Variants in TBX20 observed in about 807,000 individuals in gnomAD.
TBX20 encodes T-box transcription factor TBX20.
TBX20 carries 8 observed loss-of-function variants against 42.9 expected under a neutral mutation model. The ratio of observed to expected loss-of-function variants is 0.19; its 90% CI spans 0.11 to 0.34. The LOEUF (loss-of-function observed/expected upper bound fraction) is 0.34. TBX20 is among the 10% of genes least tolerant of loss of function. The probability of loss-of-function intolerance (pLI) is 1.00; values close to 1 mark genes in which losing one functional copy is unlikely to be tolerated. For missense variants in TBX20, 411 were observed against 566.0 expected (o/e 0.73, Z 2.78); for synonymous variants, 198 against 222.8 (o/e 0.89, Z 0.99).
intron 6 of TBX20, among the ~76,000 whole-genome samples, chr7:35,225,132 T>TA (rs1789747939): frequency 2.0e-5 from 3 of 152,188 alleles, no homozygotes; most frequent in Admixed American, 2.0e-4. Context: ...TTAAGTTCAG[T>TA]AAAATGGCAC....
In TBX20 at chr7:35,249,634, G is replaced by A. The variant is rs904876272; in HGVS notation, c.380+317C>T. On this transcript the variant is annotated intron_variant, in intron 2 of 7. Coordinates refer to ENST00000408931, the MANE Select transcript of TBX20 (RefSeq NM_001077653.2). This position sits in a 1 kb window ranked among gnomAD's most constrained non-coding sequence, Gnocchi z 4.3. ...CAAATTCCTCCTCCTTCCAGATCCCGACCCTCCACCCGCCAAACCTTCTCC... is the reference window on the plus strand; with the variant it reads ...CAAATTCCTCCTCCTTCCAGATCCCAACCCTCCACCCGCCAAACCTTCTCC... Among the ~76,000 whole-genome samples, 3 of 152,240 alleles carry A rather than the reference G, an allele frequency of 2.0e-5. No homozygotes were observed. Among genetic ancestry groups the A allele is most frequent in the South Asian group, 4.2e-4 (2 of 4,812 alleles).
chr7:35,208,201 C>T (rs995877440), intron 6 of TBX20, among the ~76,000 whole-genome samples: 4 of 152,044 alleles, frequency 2.6e-5, no homozygotes, highest in African/African-American at 9.7e-5. Context: ...TGCTTTTTAA[C>T]TTCAATTTCT....
chr7:35,238,576 T>C (rs1790011841), intron 5 of TBX20, among the ~76,000 whole-genome samples: 1 of 152,206 alleles, frequency 6.6e-6, no homozygotes, highest in Non-Finnish European at 1.5e-5. Flanking sequence ...AATCAATTAG[T>C]ATAAATGAAT....
chr7:35,204,465 C>T lies in TBX20; in HGVS notation c.1003+5G>A. On this transcript the variant is annotated splice_donor_5th_base_variant and intron_variant, in intron 7 of 7. Transcript: ENST00000408931. The stretch of plus-strand genomic sequence containing the variant: ...GCAATTCCATGGCCTTGGAAACTAC[C>T]TTACCTCGATTTGGGGTTGTCTGAC... 6.2e-7 allele frequency: 1 copy of T among 1,607,706 alleles called. No individual in the cohort carries two copies. The highest frequency in any genetic ancestry group is 8.5e-7 in the Non-Finnish European group (1 of 1,174,434).
intron 4 of TBX20, among the ~76,000 whole-genome samples, chr7:35,242,266 G>C (rs374370015): frequency 6.6e-6 from 1 of 152,132 alleles, no homozygotes; most frequent in Non-Finnish European, 1.5e-5. Context: ...CTAAAGTTAC[G>C]GGGTTTTAAC....
intron 6 of TBX20, among the ~76,000 whole-genome samples, chr7:35,216,599 G>A (rs1789595479): frequency 6.6e-6 from 1 of 152,216 alleles, no homozygotes; most frequent in Non-Finnish European, 1.5e-5. Context: ...ATTGAGCATT[G>A]AGATTATGTG....
At chr7:35,208,217 T>C (rs1379423942) in intron 6 of TBX20, among the ~76,000 whole-genome samples, 1 of 152,228 alleles carries the variant, frequency 6.6e-6, no homozygotes, top group Non-Finnish European at 1.5e-5. Context: ...TTTCTGATAT[T>C]CATTTATAAT....
Position 35,248,770 on chromosome 7 carries a change from T to A in TBX20, c.452A>T (p.Asp151Val). ...DPEAKYIVLM[D>V]IVPVDNKRYR... ...CCTCTTGTTGTCCACAGGGACGATGTCCATCAGGACTATGTACTTGGCCTC... is the reference window on the plus strand; with the variant it reads ...CCTCTTGTTGTCCACAGGGACGATGACCATCAGGACTATGTACTTGGCCTC... The change falls in exon 3 of 8, where the codon GAC becomes GTC. Residue 151 changes from aspartate to valine, a missense_variant. Transcript: ENST00000408931. 1 of 1,614,126 alleles carries A rather than the reference T, an allele frequency of 6.2e-7. No homozygotes were observed. Among genetic ancestry groups the A allele is most frequent in the Non-Finnish European group, 8.5e-7 (1 of 1,180,016 alleles).
At position 35,249,726 on chromosome 7, in the gene TBX20, A is replaced by T. The variant is rs571106647; in HGVS notation, c.380+225T>A. Among the ~76,000 whole-genome samples the T allele has an allele frequency of 2.1e-3, 325 of 152,238 alleles. 1 individual carries two copies. The highest frequency in any genetic ancestry group is 7.6e-3 in the African/African-American group (315 of 41,538). On this transcript the variant is annotated intron_variant, in intron 2 of 7. Coordinates refer to ENST00000408931, the MANE Select transcript of TBX20 (RefSeq NM_001077653.2). This position sits in a 1 kb window ranked among gnomAD's most constrained non-coding sequence, Gnocchi z 4.3. ...TCTCCCTGGTCCCTGTGCCCTTCTC[A>T]ACAAAGCCAGGGTGGGGCTTCCCAT...
chr7:35,236,571 ACT>A (rs1230975512), intron 5 of TBX20, among the ~76,000 whole-genome samples: 2 of 152,298 alleles, frequency 1.3e-5, no homozygotes, highest in African/African-American at 4.8e-5. Flanking sequence ...TCATTTATTC[ACT>A]GCACATATGT....
chr7:35,232,743 G>T (rs1258166409), intron 5 of TBX20, among the ~76,000 whole-genome samples: 1 of 152,200 alleles, frequency 6.6e-6, no homozygotes, highest in African/African-American at 2.4e-5. Context: ...CTCTTGCCAG[G>T]CCGGGTGCCT....
chr7:35,222,882 T>C (rs1789706321), intron 6 of TBX20, among the ~76,000 whole-genome samples: 4 of 152,316 alleles, frequency 2.6e-5, no homozygotes, highest in Admixed American at 2.6e-4. Flanking sequence ...GCTCTGAGTA[T>C]GAGCAATGTG....
intron 3 of TBX20, among the ~76,000 whole-genome samples, chr7:35,246,139 C>T (rs1254582110): frequency 1.3e-5 from 2 of 152,152 alleles, no homozygotes; most frequent in African/African-American, 4.8e-5. Context: ...ACACAGAGGA[C>T]TACGAATAGA....
intron 5 of TBX20, among the ~76,000 whole-genome samples, chr7:35,238,904 A>G (rs537239966): frequency 6.6e-6 from 1 of 151,854 alleles, no homozygotes; most frequent in Admixed American, 6.6e-5. Context: ...TTAAAATACA[A>G]ATGGTGACAA....
intron 6 of TBX20, among the ~76,000 whole-genome samples, chr7:35,207,008 T>C (rs546911717): frequency 2.3e-4 from 35 of 150,218 alleles, no homozygotes; most frequent in Middle Eastern, 3.2e-3. Flanking sequence ...CAAATGGACA[T>C]ATACTTTTAT....
At chr7:35,205,416 GAT>G in intron 6 of TBX20, among the ~76,000 whole-genome samples, 1 of 150,416 alleles carries the variant, frequency 6.6e-6, no homozygotes, top group South Asian at 2.1e-4. Context: ...ACTGATAACA[GAT>G]TAGTCTGCAT....
At chr7:35,243,697 TA>T (rs58551309) in intron 4 of TBX20, among the ~76,000 whole-genome samples, 2 of 151,578 alleles carry the variant, frequency 1.3e-5, no homozygotes, top group African/African-American at 4.9e-5. Flanking sequence ...GGAAGCATGT[TA>T]AAAAAAACAA....
At chr7:35,243,049 C>T (rs1305553114) in intron 4 of TBX20, among the ~76,000 whole-genome samples, 2 of 152,192 alleles carry the variant, frequency 1.3e-5, no homozygotes, top group African/African-American at 4.8e-5. Context: ...ACAACCACAA[C>T]TCACTGCAGC....
chr7:35,229,466 C>T lies in TBX20; in HGVS notation c.890+2038G>A, dbSNP rs558351580. Among the ~76,000 whole-genome samples the T allele has an allele frequency of 3.3e-4, 50 of 152,294 alleles. 1 individual carries two copies. The highest frequency in any genetic ancestry group is 2.7e-3 in the Admixed American group (42 of 15,300). On this transcript the variant is annotated intron_variant, in intron 6 of 7. Transcript: ENST00000408931. ...TGAAATCCAAAACCTCGGCCAATTT[C>T]ACACTACTTAGGTCATCTTGCAAAC...
Sources: allele counts gnomAD v4.1 joint callset (sites outside exome capture counted in the v4.1 genomes callset), GRCh38; gene constraint gnomAD v4.1.1; non-coding constraint Gnocchi (gnomAD v3.1); transcripts MANE v1.5; gene names NCBI Gene and HGNC (gene_info 2026-07-23, HGNC 2026-07-21).